The following TGFBR1 variants were observed in gnomAD, a reference collection of about 807,000 sequenced individuals.
TGFBR1 encodes TGF-beta receptor type-1.
TGFBR1 carries 20 observed loss-of-function variants against 55.1 expected under a neutral mutation model. That is an observed-to-expected ratio of 0.36 (90% CI 0.26 to 0.53). The LOEUF (loss-of-function observed/expected upper bound fraction) is 0.53. Ranked by LOEUF, TGFBR1 falls within the 20% of genes least tolerant of loss-of-function variation. The pLI, the probability that TGFBR1 is intolerant of heterozygous loss-of-function variation, is 0.91. For synonymous variants in TGFBR1, 220 were observed against 214.8 expected (o/e 1.02, Z -0.21); for missense variants, 385 against 617.6 (o/e 0.62, Z 3.99).
rs56402414 is a variant in TGFBR1, at chr9:99,129,165, G to C, written c.343+65G>C. 1.5e-3 allele frequency: 2,326 copies of C among 1,553,954 alleles called. 70 individuals are homozygous for C. The East Asian group carries it at 0.041, about 27-fold the overall frequency. On this transcript the variant is annotated intron_variant, in intron 2 of 8. Transcript: ENST00000374994. The stretch of plus-strand genomic sequence containing the variant: ...AAACTCTTCATACTCTGTGATTTTA[G>C]AACTGGAAGGGATCATAAAAATTGT...
upstream of TGFBR1, chr9:99,104,184 A>G (rs958441848): frequency 3.3e-5 from 5 of 152,230 alleles, no homozygotes; most frequent in African/African-American, 1.2e-4. Flanking sequence ...GTGACACCTC[A>G]GGATTATTAT....
At chr9:99,145,572 A>G (rs1260997265) in intron 6 of TGFBR1, among the ~76,000 whole-genome samples, 1 of 152,210 alleles carries the variant, frequency 6.6e-6, no homozygotes, top group Non-Finnish European at 1.5e-5. Flanking sequence ...TCCTCAGTAG[A>G]TATTTGTTGA....
intron 5 of TGFBR1, 57 bp from the exon 6 acceptor site, chr9:99,144,674 TG>T: frequency 6.2e-7 from 1 of 1,603,796 alleles, no homozygotes; most frequent in Non-Finnish European, 8.5e-7. Context: ...AACCTAAAGA[TG>T]TGAGTTGTGA....
rs930369711 is a variant in TGFBR1, at chr9:99,142,408, A to T, written c.806-128A>T. The T allele has an allele frequency of 6.1e-6, 6 of 980,830 alleles. No individual in the cohort carries two copies. The African/African-American group carries it at 6.5e-5, about 11-fold the overall frequency. The allele number at this position is 980,830 out of a possible 1,614,324, so 60.8% of individuals were successfully genotyped here. On this transcript the variant is annotated intron_variant, in intron 4 of 8. Coordinates refer to ENST00000374994, the MANE Select transcript of TGFBR1 (RefSeq NM_004612.4). ...ACAATGTAGAAGAAAATGTGAAGGA[A>T]ATACAGACTTAAGGTGGCATTATAT...
chr9:99,111,071 A>T (rs566721998), intron 1 of TGFBR1, among the ~76,000 whole-genome samples: 34 of 152,292 alleles, frequency 2.2e-4, no homozygotes, highest in Middle Eastern at 3.4e-3. Context: ...GGCCATTCAG[A>T]TACTAACAGT....
At chr9:99,105,960 CTT>C (rs1437366172) in intron 1 of TGFBR1, among the ~76,000 whole-genome samples, 1 of 152,198 alleles carries the variant, frequency 6.6e-6, no homozygotes, top group East Asian at 1.9e-4. Context: ...GCCAGGGGGG[CTT>C]TGTGTGAGAA....
At chr9:99,112,321 C>T (rs1826610525) in intron 1 of TGFBR1, among the ~76,000 whole-genome samples, 1 of 151,384 alleles carries the variant, frequency 6.6e-6, no homozygotes, top group Non-Finnish European at 1.5e-5. Context: ...CCTCACATAC[C>T]TGCATGGCTT....
intron 1 of TGFBR1, among the ~76,000 whole-genome samples, chr9:99,128,358 G>A (rs1012030848): frequency 6.6e-5 from 10 of 151,296 alleles, no homozygotes; most frequent in Admixed American, 2.0e-4. Flanking sequence ...ATCTGTTTCC[G>A]TTACTCCATT....
At chr9:99,118,627 C>T (rs1330588089) in intron 1 of TGFBR1, among the ~76,000 whole-genome samples, 1 of 150,810 alleles carries the variant, frequency 6.6e-6, no homozygotes, top group Non-Finnish European at 1.5e-5. Flanking sequence ...TGCCAAACTC[C>T]CTTACTGTTT....
chr9:99,122,129 C>G (rs1261564587), intron 1 of TGFBR1, among the ~76,000 whole-genome samples: 1 of 152,008 alleles, frequency 6.6e-6, no homozygotes, highest in African/African-American at 2.4e-5. Context: ...CAGTTGAGCT[C>G]TGAACTGGAG....
At chr9:99,118,310 TTTTG>T (rs1006623463) in intron 1 of TGFBR1, among the ~76,000 whole-genome samples, 1 of 152,206 alleles carries the variant, frequency 6.6e-6, no homozygotes, top group Admixed American at 6.5e-5. Context: ...TCTATCTTCC[TTTTG>T]TTTATTTCTG....
At chr9:99,146,698 A>G (rs1426656432) in intron 7 of TGFBR1, 89 bp downstream of exon 7, 3 of 1,581,416 alleles carry the variant, frequency 1.9e-6, no homozygotes, top group African/African-American at 1.3e-5. Context: ...GAAATTATGT[A>G]CAGTCCATTA....
At chr9:99,140,941 T>TCTTCCCTACTCCCC (rs1225492421) in intron 4 of TGFBR1, among the ~76,000 whole-genome samples, 9 of 152,316 alleles carry the variant, frequency 5.9e-5, no homozygotes, top group Admixed American at 4.6e-4. Context: ...CCCTACTGGC[T>TCTTCCCTACTCCCC]CTTCCCTACT....
At position 99,147,676 on chromosome 9, in the gene TGFBR1, G is replaced by C. The variant is rs368928967; in HGVS notation, c.1278G>C (p.Leu426=). The stretch of plus-strand genomic sequence containing the variant: ...CAGGAATTCATGAAGATTACCAACT[G>C]CCTTATTATGATCTTGTACCTTCTG... The part of the protein sequence containing the change: ...SIGGIHEDYQ[L]PYYDLVPSDP... Residue 426 remains leucine, a synonymous_variant, in exon 8 of 9, where the codon CTG becomes CTC. Coordinates refer to ENST00000374994, the MANE Select transcript of TGFBR1 (RefSeq NM_004612.4). The C allele has an allele frequency of 1.9e-6, 3 of 1,613,334 alleles. No homozygotes were observed. Among genetic ancestry groups the C allele is most frequent in the Non-Finnish European group, 2.5e-6 (3 of 1,179,670 alleles).
chr9:99,132,626 T>G lies in TGFBR1; in HGVS notation c.461T>G (p.Ile154Ser). Residue 154 changes from isoleucine to serine, a missense_variant, in exon 3 of 9, where the codon ATT becomes AGT. Transcript: ENST00000374994. ...TATATCTGCCACAACCGCACTGTCA[T>G]TCACCATCGAGTGCCAAATGAAGAG... ...MVYICHNRTV[I>S]HHRVPNEEDP... 6.2e-7 allele frequency: 1 copy of G among 1,614,168 alleles called. No homozygotes were observed. Among genetic ancestry groups the G allele is most frequent in the Non-Finnish European group, 8.5e-7 (1 of 1,180,014 alleles).
intron 6 of TGFBR1, among the ~76,000 whole-genome samples, chr9:99,146,197 G>A (rs1417272104): frequency 2.0e-5 from 3 of 152,102 alleles, no homozygotes; most frequent in African/African-American, 7.2e-5. Flanking sequence ...TATAGGTGGT[G>A]TACATTAGGA....
At chr9:99,144,081 T>C (rs11267074) in intron 5 of TGFBR1, among the ~76,000 whole-genome samples, 3,862 of 152,314 alleles carry the variant, frequency 0.025, 66 homozygotes, top group Non-Finnish European at 0.038. Flanking sequence ...TTGGCCATTG[T>C]AGCTAATGCT....
chr9:99,145,453 G>A (rs997000178), intron 6 of TGFBR1, among the ~76,000 whole-genome samples: 31 of 152,222 alleles, frequency 2.0e-4, no homozygotes, highest in African/African-American at 6.5e-4. Flanking sequence ...GCACTTATGC[G>A]TTATGTTGTA....
At chr9:99,104,750 G>C (rs968450823), upstream of TGFBR1, among the ~76,000 whole-genome samples, 1 of 152,106 alleles carries the variant, frequency 6.6e-6, no homozygotes, top group Non-Finnish European at 1.5e-5. Context: ...AGCGTCGAAC[G>C]GCCACAGCCT....
Sources: gnomAD v4.1 joint callset for allele counts (sites outside exome capture counted in the v4.1 genomes callset) on GRCh38, gnomAD v4.1.1 for gene constraint, MANE v1.5 for transcripts, NCBI Gene and HGNC (gene_info 2026-07-23, HGNC 2026-07-21) for gene names.